ARHGAP26: variants seen among roughly 807,000 people sequenced by gnomAD.
ARHGAP26 encodes rho GTPase-activating protein 26.
Under a neutral mutation model 104.8 loss-of-function variants are expected in ARHGAP26, and 38 were observed. That is an observed-to-expected ratio of 0.36 (90% CI 0.28 to 0.48). ARHGAP26 has a LOEUF of 0.48. Ranked by LOEUF, ARHGAP26 falls within the 20% of genes least tolerant of loss-of-function variation. The pLI is 0.99. For missense variants in ARHGAP26, 704 were observed against 947.9 expected, an observed-to-expected ratio of 0.74 and a Z score of 3.38; for synonymous variants, 341 against 340.0, an observed-to-expected ratio of 1.00 and a Z score of -0.03.
chr5:143,073,337 A>C (rs1346602045), intron 17 of ARHGAP26, among the ~76,000 whole-genome samples: 1 of 152,212 alleles, frequency 6.6e-6, no homozygotes, highest in East Asian at 1.9e-4. Flanking sequence ...GGGATTTGAC[A>C]GCTTGTTGAA....
At chr5:143,003,934 A>G (rs1400718910) in intron 11 of ARHGAP26, among the ~76,000 whole-genome samples, 1 of 147,086 alleles carries the variant, frequency 6.8e-6, no homozygotes, top group Non-Finnish European at 1.5e-5. Flanking sequence ...GCTATGAACA[A>G]TTTGCGAATT....
At chr5:143,169,131 A>C (rs1386438861) in intron 20 of ARHGAP26, among the ~76,000 whole-genome samples, 1 of 152,228 alleles carries the variant, frequency 6.6e-6, no homozygotes, top group Non-Finnish European at 1.5e-5. Flanking sequence ...AACAGGAGCT[A>C]TTCCTGTCTT....
intron 19 of ARHGAP26, among the ~76,000 whole-genome samples, chr5:143,141,250 A>C (rs1798494916): frequency 6.6e-6 from 1 of 152,270 alleles, no homozygotes; most frequent in Non-Finnish European, 1.5e-5. Flanking sequence ...AGCTAGACCC[A>C]TTAAATGAAA....
At chr5:143,032,770 T>C (rs173499) in intron 12 of ARHGAP26, among the ~76,000 whole-genome samples, 41,919 of 152,142 alleles carry the variant, frequency 0.28, 10,911 homozygotes, top group African/African-American at 0.69. Context: ...TGTTAATTAT[T>C]AGTAATCTAA....
intron 11 of ARHGAP26, among the ~76,000 whole-genome samples, chr5:142,982,443 G>A (rs1393164729): frequency 6.6e-6 from 1 of 152,228 alleles, no homozygotes; most frequent in Non-Finnish European, 1.5e-5. Flanking sequence ...CTTGTAGTGG[G>A]AGGGTGTCTT....
chr5:142,810,660 T>C (rs1763897416), intron 1 of ARHGAP26, among the ~76,000 whole-genome samples: 1 of 152,200 alleles, frequency 6.6e-6, no homozygotes, highest in Non-Finnish European at 1.5e-5. Context: ...AGGAAACCAG[T>C]ATTTCTGAAA....
At chr5:142,780,777 T>C (rs1489670348) in intron 1 of ARHGAP26, among the ~76,000 whole-genome samples, 3 of 152,136 alleles carry the variant, frequency 2.0e-5, no homozygotes, top group Non-Finnish European at 4.4e-5. Context: ...TCTTCTGCCT[T>C]CTGTGACCGG....
rs5871833 is a variant in ARHGAP26 at position 143,016,702 on chromosome 5, CAA to C, written c.1144+2604_1144+2605del. On this transcript the variant is annotated intron_variant, in intron 12 of 22. Transcript: ENST00000645722. Reference sequence around the variant, plus strand: ...TGGGCAATAGACTGAGACTCTGTCTCAAAAAAAAAAAAAAAAAAATTGGCCAC... The same window carrying C: ...TGGGCAATAGACTGAGACTCTGTCTCAAAAAAAAAAAAAAAAATTGGCCAC... Among the ~76,000 whole-genome samples the C allele has an allele frequency of 2.0e-3, 258 of 126,338 alleles. 2 individuals are homozygous for C. Among genetic ancestry groups the C allele is most frequent in the South Asian group, 5.4e-3 (21 of 3,896 alleles). 82.9% of individuals were successfully genotyped at this position (126,338 alleles called of 152,430 possible). A position where few individuals can be genotyped will look rare whatever the true frequency, so the allele number is the denominator to read the frequency against.
chr5:142,858,086 TGTGTGTGTGAGA>T (rs1286750043), intron 1 of ARHGAP26, among the ~76,000 whole-genome samples: 1 of 144,104 alleles, frequency 6.9e-6, no homozygotes, highest in African/African-American at 2.7e-5. Flanking sequence ...TGTGTGTGTG[TGTGTGTGTGAGA>T]GAGAGAGAGA....
At chr5:143,148,470 A>G (rs539503487) in intron 20 of ARHGAP26, among the ~76,000 whole-genome samples, 6 of 152,328 alleles carry the variant, frequency 3.9e-5, no homozygotes, top group African/African-American at 1.2e-4. Flanking sequence ...GTACATAATA[A>G]AAATGTGACT....
At chr5:142,892,989 C>CCCCTCTT (rs753481588) in intron 5 of ARHGAP26, among the ~76,000 whole-genome samples, 1 of 108,024 alleles carries the variant, frequency 9.3e-6, no homozygotes, top group Non-Finnish European at 1.9e-5. Context: ...CACCCCCCCG[C>CCCCTCTT]TTTTTTTTTT....
chr5:142,849,618 C>T (rs1751129589), intron 1 of ARHGAP26, among the ~76,000 whole-genome samples: 1 of 152,148 alleles, frequency 6.6e-6, no homozygotes, highest in Non-Finnish European at 1.5e-5. Flanking sequence ...AGAAGGTCTG[C>T]CTCTCTTTGT....
At chr5:142,905,044 G>A (rs1412767199) in intron 8 of ARHGAP26, among the ~76,000 whole-genome samples, 1 of 152,078 alleles carries the variant, frequency 6.6e-6, no homozygotes, top group East Asian at 1.9e-4. Context: ...AGCCTGTTGA[G>A]GTTTATAAGA....
rs139040167 is a variant in ARHGAP26 at position 142,901,561 on chromosome 5, T to A, written c.598-374T>A. Among the ~76,000 whole-genome samples the A allele has an allele frequency of 8.7e-4, 132 of 152,346 alleles. 1 individual carries two copies. The highest frequency in any genetic ancestry group is 2.9e-3 in the African/African-American group (122 of 41,582). On this transcript the variant is annotated intron_variant, in intron 6 of 22. Transcript: ENST00000645722. Reference sequence around the variant, plus strand: ...AGTCAGAACCCTGGTCTTTGGTTTCTGAGGAAATGATGTTCTCAGCAGGTG... The same window carrying A: ...AGTCAGAACCCTGGTCTTTGGTTTCAGAGGAAATGATGTTCTCAGCAGGTG...
At chr5:142,852,894 T>A (rs1210249329) in intron 1 of ARHGAP26, among the ~76,000 whole-genome samples, 1 of 152,258 alleles carries the variant, frequency 6.6e-6, no homozygotes, top group East Asian at 1.9e-4. Flanking sequence ...GCATGTCCTG[T>A]TGAAGCACCA....
intron 15 of ARHGAP26, among the ~76,000 whole-genome samples, chr5:143,055,667 C>G (rs182098251): frequency 6.6e-5 from 10 of 152,262 alleles, no homozygotes; most frequent in Admixed American, 5.9e-4. Context: ...CTGGGAAGAT[C>G]AAGACTTGCA....
chr5:142,965,151 A>G lies in ARHGAP26; in HGVS notation c.1107+33026A>G, dbSNP rs200807910. ...CTTTTAGTACTTTCACTAATTTACT[A>G]CTGCTATCTAGAAGGCAGAGCCAGG... On this transcript the variant is annotated intron_variant, in intron 11 of 22. Coordinates refer to ENST00000645722, the MANE Select transcript of ARHGAP26 (RefSeq NM_001135608.3). Among the ~76,000 whole-genome samples the G allele has an allele frequency of 2.5e-3, 380 of 152,316 alleles. 8 individuals are homozygous for G. The East Asian group carries it at 0.042, about 17-fold the overall frequency.
chr5:142,913,107 A>C, intron 9 of ARHGAP26, 92 bp from the exon 10 acceptor site: 1 of 1,092,634 alleles, frequency 9.2e-7, no homozygotes, highest in African/African-American at 1.5e-5. Flanking sequence ...GAGAAGATGA[A>C]ATGATTGCTC....
intron 20 of ARHGAP26, among the ~76,000 whole-genome samples, chr5:143,156,570 C>G (rs1800485234): frequency 2.0e-5 from 3 of 152,090 alleles, no homozygotes; most frequent in Admixed American, 2.0e-4. Context: ...TTTACCAAAC[C>G]CTGCAGATGA....
Sources: allele counts gnomAD v4.1 joint callset (sites outside exome capture counted in the v4.1 genomes callset), GRCh38; gene constraint gnomAD v4.1.1; transcripts MANE v1.5; gene names NCBI Gene and HGNC (gene_info 2026-07-23, HGNC 2026-07-21).